The following RNGTT variants were observed in gnomAD, a reference collection of about 807,000 sequenced individuals.
The protein encoded by RNGTT is RNA guanylyltransferase and 5'-phosphatase.
A neutral mutation model predicts 79.3 loss-of-function variants in RNGTT; 33 were observed. The ratio of observed to expected loss-of-function variants is 0.42; its 90% confidence interval spans 0.32 to 0.56. The LOEUF (loss-of-function observed/expected upper bound fraction) is 0.56. Ranked by LOEUF, RNGTT falls within the 20% of genes least tolerant of loss-of-function variation. The pLI is 0.17. For synonymous variants in RNGTT, 222 were observed against 235.9 expected (o/e 0.94, Z 0.54); for missense variants, 497 against 739.1 (o/e 0.67, Z 3.80).
At chr6:88,655,560 C>CT (rs1232276916) in intron 14 of RNGTT, among the ~76,000 whole-genome samples, 2 of 152,092 alleles carry the variant, frequency 1.3e-5, no homozygotes, top group African/African-American at 4.8e-5. Context: ...CAGAACCAGA[C>CT]TGAGGCAGGG....
At chr6:88,867,455 C>G (rs2127917962) in intron 8 of RNGTT, among the ~76,000 whole-genome samples, 1 of 151,982 alleles carries the variant, frequency 6.6e-6, no homozygotes, top group Middle Eastern at 3.4e-3. Context: ...TGCACTCTAA[C>G]CTGGGCAACA....
At chr6:88,859,453 G>A (rs1247212191) in intron 8 of RNGTT, among the ~76,000 whole-genome samples, 1 of 152,158 alleles carries the variant, frequency 6.6e-6, no homozygotes, top group Non-Finnish European at 1.5e-5. Flanking sequence ...TAGGAGCTTG[G>A]AAGAAAAGCA....
chr6:88,889,236 A>G (rs369580294), intron 8 of RNGTT, among the ~76,000 whole-genome samples: 58 of 152,294 alleles, frequency 3.8e-4, no homozygotes, highest in African/African-American at 1.3e-3. Flanking sequence ...AACTGAGGGG[A>G]AAAATTGTTT....
chr6:88,617,065 C>A lies in RNGTT; in HGVS notation c.1507-2670G>T, dbSNP rs188437753. On this transcript the variant is annotated intron_variant, in intron 14 of 15. Transcript: ENST00000369485. ...AGGTGGGCAGATCATGAGGTCAGAT[C>A]GAGACCATCCTGGCTAACACAGTGA... 1.0e-2 allele frequency among the ~76,000 whole-genome samples: 1,518 copies of A among 152,190 alleles called. 21 individuals are homozygous for A. Among genetic ancestry groups the A allele is most frequent in the African/African-American group, 0.034 (1,414 of 41,560 alleles).
chr6:88,932,829 G>A (rs999315230), intron 2 of RNGTT, among the ~76,000 whole-genome samples: 7 of 152,144 alleles, frequency 4.6e-5, no homozygotes, highest in Non-Finnish European at 8.8e-5. Flanking sequence ...ACTTAGAAAC[G>A]CACACCTAAA....
chr6:88,729,639 T>C (rs1241892950), intron 13 of RNGTT, among the ~76,000 whole-genome samples: 1 of 152,186 alleles, frequency 6.6e-6, no homozygotes, highest in African/African-American at 2.4e-5. Context: ...TGTTAAAGAA[T>C]AGCTGAGCAA....
chr6:88,838,956 C>A (rs2127896131), intron 11 of RNGTT, among the ~76,000 whole-genome samples: 1 of 151,820 alleles, frequency 6.6e-6, no homozygotes. Flanking sequence ...CAGAACCAGA[C>A]ATACACAACA....
chr6:88,884,001 G>A (rs1265592493), intron 8 of RNGTT, among the ~76,000 whole-genome samples: 1 of 152,184 alleles, frequency 6.6e-6, no homozygotes, highest in Admixed American at 6.5e-5. Context: ...AACACATTCT[G>A]TTAGCAAGGC....
At chr6:88,729,399 A>G (rs2127818842) in intron 13 of RNGTT, among the ~76,000 whole-genome samples, 1 of 152,072 alleles carries the variant, frequency 6.6e-6, no homozygotes, top group East Asian at 1.9e-4. Flanking sequence ...AAAAAAAAAA[A>G]AAAAAAGACA....
chr6:88,716,192 T>A (rs568103976), intron 13 of RNGTT, among the ~76,000 whole-genome samples: 75 of 152,166 alleles, frequency 4.9e-4, no homozygotes, highest in African/African-American at 1.8e-3. Flanking sequence ...AAGACATTTA[T>A]GCAGCCAAAA....
At chr6:88,800,406 A>G (rs79049318) in intron 12 of RNGTT, among the ~76,000 whole-genome samples, 2 of 152,208 alleles carry the variant, frequency 1.3e-5, no homozygotes, top group Non-Finnish European at 2.9e-5. Flanking sequence ...CAACCTGTAC[A>G]GTATTTAATA....
At chr6:88,638,686 TTTATTTTCTTTTAGTAAATC>T (rs1215015150) in intron 14 of RNGTT, among the ~76,000 whole-genome samples, 24 of 152,160 alleles carry the variant, frequency 1.6e-4, no homozygotes, top group Admixed American at 1.5e-3. Context: ...ATTCGTTATT[TTTATTTTCTTTTAGTAAATC>T]AGAGCTAGAA....
intron 10 of RNGTT, among the ~76,000 whole-genome samples, chr6:88,846,346 C>T (rs1355948912): frequency 6.6e-6 from 1 of 152,184 alleles, no homozygotes; most frequent in Non-Finnish European, 1.5e-5. Flanking sequence ...TTAACAATGC[C>T]TTATTACATA....
intron 2 of RNGTT, among the ~76,000 whole-genome samples, chr6:88,938,237 A>G (rs1423056037): frequency 6.6e-6 from 1 of 152,182 alleles, no homozygotes; most frequent in African/African-American, 2.4e-5. Flanking sequence ...TATGTTTAGA[A>G]TTGTTATATC....
intron 13 of RNGTT, among the ~76,000 whole-genome samples, chr6:88,723,286 C>T (rs1389561320): frequency 1.3e-5 from 2 of 152,136 alleles, no homozygotes; most frequent in African/African-American, 4.8e-5. Context: ...GATAAGTAAG[C>T]AACAATGAGG....
chr6:88,756,638 A>G (rs967822161), intron 13 of RNGTT, among the ~76,000 whole-genome samples: 5 of 152,350 alleles, frequency 3.3e-5, no homozygotes, highest in South Asian at 4.1e-4. Context: ...TTAGAAAGTA[A>G]AGGAATTTTT....
chr6:88,890,439 C>A, intron 8 of RNGTT, 56 bp downstream of exon 8: 1 of 1,082,186 alleles, frequency 9.2e-7, no homozygotes, highest in Non-Finnish European at 1.4e-6. Context: ...AACAATAAAA[C>A]AATATTCTTC....
intron 12 of RNGTT, among the ~76,000 whole-genome samples, chr6:88,773,686 C>A (rs1778777790): frequency 6.6e-6 from 1 of 151,976 alleles, no homozygotes; most frequent in Admixed American, 6.6e-5. Context: ...GATTTCTTTT[C>A]CACAAGGATG....
At chr6:88,962,588 C>G (rs1295832054) in intron 1 of RNGTT, among the ~76,000 whole-genome samples, 1 of 152,134 alleles carries the variant, frequency 6.6e-6, no homozygotes, top group Non-Finnish European at 1.5e-5. Context: ...GCCTGGTCAA[C>G]ACGATGAAAC....
Sources: allele counts gnomAD v4.1 joint callset (sites outside exome capture counted in the v4.1 genomes callset), GRCh38; gene constraint gnomAD v4.1.1; transcripts MANE v1.5; gene names NCBI Gene and HGNC (gene_info 2026-07-23, HGNC 2026-07-21).